The following PDE4D variants were observed in gnomAD, a reference collection of about 807,000 sequenced individuals.
The protein encoded by PDE4D is 3',5'-cyclic-AMP phosphodiesterase 4D.
In PDE4D, 24 loss-of-function variants were observed where a neutral mutation model predicts 87.4. The observed-to-expected ratio is 0.27, with a 90% CI of 0.20 to 0.39. The LOEUF (loss-of-function observed/expected upper bound fraction) is 0.39. PDE4D is among the 10% of genes least tolerant of loss of function. PDE4D has a pLI of 1.00. For synonymous variants in PDE4D, 384 were observed against 383.2 expected, an observed-to-expected ratio of 1.00 and a Z score of -0.02; for missense variants, 714 against 1,041.0, an observed-to-expected ratio of 0.69 and a Z score of 4.32.
At chr5:58,995,561 G>A (rs1749038355) in intron 6 of PDE4D, among the ~76,000 whole-genome samples, 1 of 152,112 alleles carries the variant, frequency 6.6e-6, no homozygotes, top group Admixed American at 6.6e-5. Flanking sequence ...ATATAGAAGT[G>A]TCTTCTATTT....
At chr5:59,683,927 A>G (rs1479230989) in intron 1 of PDE4D, among the ~76,000 whole-genome samples, 2 of 152,234 alleles carry the variant, frequency 1.3e-5, no homozygotes, top group Non-Finnish European at 2.9e-5. Flanking sequence ...CTCATAGAAT[A>G]AAGTCCAAAC....
chr5:60,117,244 G>C (rs1422170108), intron 2 of PDE4D, among the ~76,000 whole-genome samples: 1 of 151,850 alleles, frequency 6.6e-6, no homozygotes, highest in Non-Finnish European at 1.5e-5. Flanking sequence ...ATATTGATCT[G>C]TCATTTTTTC....
intron 1 of PDE4D, among the ~76,000 whole-genome samples, chr5:59,272,145 TAATG>T (rs1300913547): frequency 6.6e-6 from 1 of 152,056 alleles, no homozygotes; most frequent in Non-Finnish European, 1.5e-5. Flanking sequence ...TCAGATTACA[TAATG>T]AATGATCTTA....
At chr5:60,255,205 C>A (rs754510722) in intron 1 of PDE4D, among the ~76,000 whole-genome samples, 20 of 151,844 alleles carry the variant, frequency 1.3e-4, no homozygotes, top group Non-Finnish European at 2.5e-4. Flanking sequence ...GAAAACGTAC[C>A]ATTGTCAAAG....
chr5:59,691,884 T>G (rs1015489935), intron 1 of PDE4D, among the ~76,000 whole-genome samples: 23 of 152,106 alleles, frequency 1.5e-4, no homozygotes, highest in African/African-American at 4.3e-4. Flanking sequence ...ATAATACATG[T>G]CAAGTCATAG....
chr5:59,248,443 T>C (rs897644319), intron 1 of PDE4D, among the ~76,000 whole-genome samples: 3 of 151,864 alleles, frequency 2.0e-5, no homozygotes, highest in African/African-American at 7.3e-5. Flanking sequence ...CTCTGCTTCA[T>C]CCCAGTGAAA....
chr5:59,327,065 A>C (rs115349065), intron 1 of PDE4D, among the ~76,000 whole-genome samples: 1 of 151,818 alleles, frequency 6.6e-6, no homozygotes, highest in African/African-American at 2.4e-5. Flanking sequence ...ACTCTTTGAG[A>C]AATATCTATG....
chr5:60,267,740 CTG>C (rs1186937612), intron 1 of PDE4D, among the ~76,000 whole-genome samples: 1 of 152,172 alleles, frequency 6.6e-6, no homozygotes, highest in African/African-American at 2.4e-5. Flanking sequence ...AGAGATTAGA[CTG>C]TAGAGGGCTT....
intron 2 of PDE4D, among the ~76,000 whole-genome samples, chr5:60,153,381 T>C (rs1448602694): frequency 6.6e-6 from 1 of 152,074 alleles, no homozygotes; most frequent in Non-Finnish European, 1.5e-5. Context: ...GAAGTGTTAG[T>C]AAGGATGTAA....
At position 59,200,626 on chromosome 5, in the gene PDE4D, C is replaced by CAT. The variant is rs1361544310; in HGVS notation, c.648-7091_648-7090insAT. ...GTATGTACAGATACACGTATACATACACGTGTATGTACAGATACACGTATA... is the reference window on the plus strand; with the variant it reads ...GTATGTACAGATACACGTATACATACATACGTGTATGTACAGATACACGTATA... On this transcript the variant is annotated intron_variant, in intron 2 of 14. Coordinates refer to ENST00000340635, the MANE Select transcript of PDE4D (RefSeq NM_001104631.2). Among the ~76,000 whole-genome samples, 3 of 134,010 alleles carry CAT rather than the reference C, an allele frequency of 2.2e-5. No homozygotes were observed. The East Asian group carries it at 6.9e-4, about 31-fold the overall frequency. The allele number at this position is 134,010 out of a possible 152,430, so 87.9% of individuals were successfully genotyped here.
intron 5 of PDE4D, among the ~76,000 whole-genome samples, chr5:59,175,471 C>CTTTTTTTT (rs563138575): frequency 6.6e-5 from 6 of 91,206 alleles, no homozygotes; most frequent in East Asian, 4.1e-4. Context: ...ATTTTTCTTT[C>CTTTTTTTT]TTTTTTTTTT....
At chr5:60,474,493 T>C (rs767898910) in intron 1 of PDE4D, among the ~76,000 whole-genome samples, 2 of 152,060 alleles carry the variant, frequency 1.3e-5, no homozygotes, top group East Asian at 1.9e-4. Flanking sequence ...CCACTCCTTA[T>C]ACTGGAAATT....
At chr5:59,773,494 G>A (rs143889084) in intron 1 of PDE4D, among the ~76,000 whole-genome samples, 15 of 152,238 alleles carry the variant, frequency 9.9e-5, no homozygotes, top group African/African-American at 3.1e-4. Flanking sequence ...GAGTCAACCT[G>A]TAAACCTGCC....
chr5:60,129,634 A>T (rs34849712), intron 2 of PDE4D, among the ~76,000 whole-genome samples: 21,366 of 152,056 alleles, frequency 0.14, 1,546 homozygotes, highest in Middle Eastern at 0.22. Context: ...AACAACAAAA[A>T]ATTTCAAAAT....
intron 2 of PDE4D, among the ~76,000 whole-genome samples, chr5:60,048,940 G>A (rs894976449): frequency 9.2e-5 from 14 of 152,110 alleles, no homozygotes; most frequent in African/African-American, 3.1e-4. Flanking sequence ...AAGTTCTCCT[G>A]GATAATATCC....
At chr5:59,383,958 G>A (rs1407770359) in intron 1 of PDE4D, among the ~76,000 whole-genome samples, 1 of 152,074 alleles carries the variant, frequency 6.6e-6, no homozygotes, top group African/African-American at 2.4e-5. Context: ...GTGCAAACAC[G>A]GCTCACTGCA....
chr5:59,059,346 A>T (rs191664188), intron 5 of PDE4D, among the ~76,000 whole-genome samples: 38 of 152,102 alleles, frequency 2.5e-4, no homozygotes, highest in South Asian at 2.5e-3. Context: ...AAAAGAAATT[A>T]CCTCTCCCAC....
intron 6 of PDE4D, among the ~76,000 whole-genome samples, chr5:59,028,286 G>A (rs933344209): frequency 6.6e-6 from 1 of 151,882 alleles, no homozygotes; most frequent in African/African-American, 2.4e-5. Flanking sequence ...GATTAATGGG[G>A]GAGAAGAGTA....
At chr5:60,419,844 C>T (rs769395468) in intron 1 of PDE4D, among the ~76,000 whole-genome samples, 8 of 152,154 alleles carry the variant, frequency 5.3e-5, no homozygotes, top group Admixed American at 1.3e-4. Context: ...CCTCTGCCCA[C>T]GAATGTCCAC....
Sources: allele counts gnomAD v4.1 joint callset (sites outside exome capture counted in the v4.1 genomes callset), GRCh38; gene constraint gnomAD v4.1.1; transcripts MANE v1.5; gene names NCBI Gene and HGNC (gene_info 2026-07-23, HGNC 2026-07-21).